Variants in RIC8B observed in about 807,000 individuals in gnomAD.
RIC8B encodes the protein chaperone Ric-8B.
RIC8B carries 16 observed loss-of-function variants against 57.5 expected under a neutral mutation model. That is an observed-to-expected ratio of 0.28 (90% CI 0.19 to 0.42). The LOEUF is 0.42. RIC8B is among the 10% of genes least tolerant of loss of function. The pLI is 1.00. For missense variants in RIC8B, 481 were observed against 677.0 expected (o/e 0.71, Z 3.21); for synonymous variants, 216 against 250.8 (o/e 0.86, Z 1.31).
chr12:106,804,152 C>T (rs1195744448), intron 2 of RIC8B, among the ~76,000 whole-genome samples: 2 of 151,916 alleles, frequency 1.3e-5, no homozygotes, highest in Admixed American at 6.6e-5. Context: ...GTAGCACATG[C>T]ACATCATCTC....
chr12:106,815,652 C>G (rs2045541157), intron 3 of RIC8B, among the ~76,000 whole-genome samples: 1 of 152,164 alleles, frequency 6.6e-6, no homozygotes, highest in Non-Finnish European at 1.5e-5. Flanking sequence ...GTTGATAAAG[C>G]TATAGGCATT....
chr12:106,881,082 G>C (rs1950905328), intron 9 of RIC8B, among the ~76,000 whole-genome samples: 1 of 152,136 alleles, frequency 6.6e-6, no homozygotes, highest in South Asian at 2.1e-4. Flanking sequence ...TATCTGCAAG[G>C]CACTGTGCTA....
At position 106,879,524 on chromosome 12, in the gene RIC8B, A is replaced by AAT. The variant is rs1950825726; in HGVS notation, c.1572-6375_1572-6374dup. The AAT allele has an allele frequency of 1.0e-6, 1 of 985,078 alleles. No individual in the cohort carries two copies. The highest frequency in any genetic ancestry group is 1.8e-5 in the African/African-American group (1 of 57,142). 61.0% of individuals were successfully genotyped at this position (985,078 alleles called of 1,614,324 possible). A position where few individuals can be genotyped will look rare whatever the true frequency, so the allele number is the denominator to read the frequency against. Reference sequence around the variant, plus strand: ...AAACGGTGGCTCAGGAAAATGTTAAAATATATCTGGAAAAAAAAAACAGAC... The same window carrying AAT: ...AAACGGTGGCTCAGGAAAATGTTAAAATATATATCTGGAAAAAAAAAACAGAC... On this transcript the variant is annotated intron_variant, in intron 9 of 9. Coordinates refer to ENST00000392837, the MANE Select transcript of RIC8B (RefSeq NM_001330145.2). The surrounding 1 kb of genome is among the most constrained non-coding windows in gnomAD (Gnocchi z 4.9).
At chr12:106,821,887 G>T in intron 3 of RIC8B, among the ~76,000 whole-genome samples, 1 of 151,558 alleles carries the variant, frequency 6.6e-6, no homozygotes, top group Non-Finnish European at 1.5e-5. Context: ...GACCATCCTG[G>T]CTAACACAGT....
chr12:106,841,491 G>T (rs1334039121), intron 4 of RIC8B, among the ~76,000 whole-genome samples: 3 of 152,036 alleles, frequency 2.0e-5, no homozygotes, highest in Admixed American at 6.6e-5. Flanking sequence ...ATTTTTTAGG[G>T]TGTCACTATA....
intron 2 of RIC8B, among the ~76,000 whole-genome samples, chr12:106,797,050 A>G (rs2044516402): frequency 1.3e-5 from 2 of 152,242 alleles, no homozygotes; most frequent in Admixed American, 6.5e-5. Flanking sequence ...CAAAATCCCC[A>G]TACACTGCTG....
chr12:106,842,694 A>C lies in RIC8B; in HGVS notation c.942A>C (p.Glu314Asp). Residue 314 changes from glutamate (E) to aspartate (D), a missense_variant, in exon 5 of 10, where the codon GAA becomes GAC. Transcript: ENST00000392837. ...ETAQEATTLDELPSNKTAEKE... is the reference protein window; with the variant it reads ...ETAQEATTLDDLPSNKTAEKE... ...CCCAAGAGGCAACGACTCTAGATGA[A>C]CTGCCCAGTAATAAAACAGCTGAGA... The C allele has an allele frequency of 1.2e-6, 2 of 1,613,976 alleles. No homozygotes were observed. Among genetic ancestry groups the C allele is most frequent in the South Asian group, 2.2e-5 (2 of 91,078 alleles).
chr12:106,843,836 G>GTT lies in RIC8B; in HGVS notation c.1066-6_1066-5dup, dbSNP rs768640030. On this transcript the variant is annotated splice_polypyrimidine_tract_variant and intron_variant, in intron 5 of 9. Transcript: ENST00000392837. ...AACTAACGTATTTCAAAAACATATGGTTTTTTTTTTTATAGGGAAGCAGCT... is the reference window on the plus strand; with the variant it reads ...AACTAACGTATTTCAAAAACATATGGTTTTTTTTTTTTTATAGGGAAGCAGCT... The GTT allele has an allele frequency of 5.8e-4, 713 of 1,229,376 alleles. No homozygotes were observed. Among genetic ancestry groups the GTT allele is most frequent in the South Asian group, 8.9e-4 (61 of 68,792 alleles). The allele number at this position is 1,229,376 out of a possible 1,614,324, so 76.2% of individuals were successfully genotyped here.
chr12:106,831,907 A>G (rs900891754), intron 4 of RIC8B, among the ~76,000 whole-genome samples: 1 of 152,148 alleles, frequency 6.6e-6, no homozygotes, highest in Non-Finnish European at 1.5e-5. Flanking sequence ...GCATGGAGCC[A>G]CTTCCTCCCT....
intron 2 of RIC8B, among the ~76,000 whole-genome samples, chr12:106,812,653 C>G (rs1249740001): frequency 6.6e-6 from 1 of 151,294 alleles, no homozygotes; most frequent in Non-Finnish European, 1.5e-5. Flanking sequence ...GACTCCACCC[C>G]CAGGAATATA....
At chr12:106,885,576 CAA>C (rs35328877) in intron 9 of RIC8B, among the ~76,000 whole-genome samples, 144 of 138,328 alleles carry the variant, frequency 1.0e-3, no homozygotes, top group Admixed American at 1.2e-3. Context: ...ACCAATCCAC[CAA>C]AAAAAAAAAA....
At chr12:106,873,604 C>T (rs1950539774) in intron 9 of RIC8B, among the ~76,000 whole-genome samples, 1 of 152,094 alleles carries the variant, frequency 6.6e-6, no homozygotes, top group Non-Finnish European at 1.5e-5. Context: ...CTACTCTGTG[C>T]AAGGCATCGT....
rs1188420180 is a variant in RIC8B, at chr12:106,788,002, C to T, written c.132+3958C>T. Among the ~76,000 whole-genome samples, 9 of 152,258 alleles carry T rather than the reference C, an allele frequency of 5.9e-5. 1 individual carries two copies. In the South Asian group the frequency reaches 1.0e-3, roughly 18 times the overall value. On this transcript the variant is annotated intron_variant, in intron 2 of 9. Coordinates refer to ENST00000392837, the MANE Select transcript of RIC8B (RefSeq NM_001330145.2). The stretch of plus-strand genomic sequence containing the variant: ...CATCTGAGACAAGGCAAGTCCCTTC[C>T]GCCTATGAGCCTGTAAAATCAAAAG...
In RIC8B at chr12:106,811,669, A is replaced by G. The variant is rs1388293369; in HGVS notation, c.133-3027A>G. The stretch of plus-strand genomic sequence containing the variant: ...GTCAGGGTCTGGGGGTCAATTTGGA[A>G]CACCTGAAGAAGAAACTGTGTGTGT... On this transcript the variant is annotated intron_variant, in intron 2 of 9. Coordinates refer to ENST00000392837, the MANE Select transcript of RIC8B (RefSeq NM_001330145.2). Among the ~76,000 whole-genome samples, 10 of 152,288 alleles carry G rather than the reference A, an allele frequency of 6.6e-5. No individual in the cohort carries two copies. The East Asian group carries it at 1.7e-3, about 26-fold the overall frequency.
intron 9 of RIC8B, among the ~76,000 whole-genome samples, chr12:106,873,948 A>AT (rs927010233): frequency 1.3e-5 from 2 of 152,310 alleles, no homozygotes; most frequent in African/African-American, 4.8e-5. Context: ...CATACTACTT[A>AT]TTTCTTCTAA....
At chr12:106,844,082 TAATC>T in intron 6 of RIC8B, 135 bp downstream of exon 6, 2 of 683,410 alleles carry the variant, frequency 2.9e-6, no homozygotes, top group Non-Finnish European at 5.0e-6. Flanking sequence ...GAAATCTTCT[TAATC>T]AAGAAGTGTG....
At chr12:106,883,529 A>T (rs1332522688) in intron 9 of RIC8B, among the ~76,000 whole-genome samples, 8 of 152,074 alleles carry the variant, frequency 5.3e-5, no homozygotes, top group Non-Finnish European at 1.0e-4. Flanking sequence ...GGCCCCATTG[A>T]ATAGAGTCAC....
chr12:106,804,934 G>C (rs977311039), intron 2 of RIC8B, among the ~76,000 whole-genome samples: 1 of 152,152 alleles, frequency 6.6e-6, no homozygotes, highest in African/African-American at 2.4e-5. Flanking sequence ...GTCAGGGGTT[G>C]GGAAGACGTT....
chr12:106,818,775 C>T (rs1213554736), intron 3 of RIC8B, among the ~76,000 whole-genome samples: 1 of 151,750 alleles, frequency 6.6e-6, no homozygotes, highest in Non-Finnish European at 1.5e-5. Context: ...GTGTATCTTT[C>T]TTTTTTTTGA....
Sources: gnomAD v4.1 joint callset for allele counts (sites outside exome capture counted in the v4.1 genomes callset) on GRCh38, gnomAD v4.1.1 for gene constraint, Gnocchi (gnomAD v3.1) non-coding constraint, MANE v1.5 for transcripts, NCBI Gene and HGNC (gene_info 2026-07-23, HGNC 2026-07-21) for gene names.